Variants in ELP3 observed in about 807,000 individuals in gnomAD.
ELP3 encodes the protein elongator acetyltransferase complex subunit 3, also known as elongator complex protein 3.
In ELP3, 56 loss-of-function variants were observed where a neutral mutation model predicts 74.9. The ratio of observed to expected loss-of-function variants is 0.75; its 90% CI spans 0.60 to 0.93. The LOEUF (loss-of-function observed/expected upper bound fraction) is 0.93. Among genes scored for constraint, ELP3 ranks in the 40% least tolerant of loss-of-function variants. The probability of loss-of-function intolerance (pLI) is 0.00; values close to 1 mark genes in which losing one functional copy is unlikely to be tolerated. For missense variants in ELP3, 573 were observed against 686.5 expected, an observed-to-expected ratio of 0.83 and a Z score of 1.85; for synonymous variants, 222 against 239.8, an observed-to-expected ratio of 0.93 and a Z score of 0.68.
intron 14 of ELP3, among the ~76,000 whole-genome samples, chr8:28,187,047 CT>C (rs1245713897): frequency 6.6e-6 from 1 of 152,200 alleles, no homozygotes; most frequent in East Asian, 1.9e-4. Context: ...CTTGCAAGCT[CT>C]TCCCACCATC....
At chr8:28,151,026 C>T (rs191230502) in intron 10 of ELP3, among the ~76,000 whole-genome samples, 5 of 152,286 alleles carry the variant, frequency 3.3e-5, no homozygotes, top group African/African-American at 9.6e-5. Context: ...CTTCCTGCCT[C>T]GGCCTTCCAG....
At position 28,156,023 on chromosome 8, in the gene ELP3, C is replaced by T. The variant is rs752434486; in HGVS notation, c.1182C>T (p.Leu394=). 4.2e-5 allele frequency: 68 copies of T among 1,613,032 alleles called. No homozygotes were observed. Among genetic ancestry groups the T allele is most frequent in the Non-Finnish European group, 1.7e-5 (20 of 1,179,294 alleles). ...TGGCACTTGCAAGAATGAAAGACCT[C>T]GGAATACAGGTAAGAGCAAATATGG... ...RELALARMKD[L]GIQCRDVRTR... The change falls in exon 11 of 15, where the codon CTC becomes CTT. Residue 394 remains leucine (L), a synonymous_variant. Coordinates refer to ENST00000256398, the MANE Select transcript of ELP3 (RefSeq NM_018091.6).
chr8:28,160,962 T>C (rs1814060446), intron 13 of ELP3, among the ~76,000 whole-genome samples: 1 of 152,214 alleles, frequency 6.6e-6, no homozygotes, highest in Non-Finnish European at 1.5e-5. Flanking sequence ...CCCAAAGTGC[T>C]GAGATTACAG....
intron 9 of ELP3, 57 bp from the exon 10 acceptor site, chr8:28,137,641 C>T: frequency 6.4e-7 from 1 of 1,553,714 alleles, no homozygotes; most frequent in Non-Finnish European, 8.8e-7. Flanking sequence ...TGAGATTTCA[C>T]CCTCGGTGAT....
chr8:28,097,388 C>T (rs182385725), intron 2 of ELP3, 70 bp downstream of exon 2: 1 of 991,446 alleles, frequency 1.0e-6, no homozygotes, highest in African/African-American at 1.6e-5. Context: ...TTATCTAGTA[C>T]TACTTGTTTT....
Position 28,132,362 on chromosome 8 carries a change from C to T in ELP3, c.864C>T (p.Asp288=). The change falls in exon 9 of 15, where the codon GAC becomes GAT. Residue 288 remains aspartate, a synonymous_variant. Transcript: ENST00000256398. ...AAGTGGTGGCCCATATGATGCCTGA[C>T]CTGCCAAACGTGGGACTAGAAAGAG... ...GFKVVAHMMP[D]LPNVGLERDI... 1 of 1,614,162 alleles carries T rather than the reference C, an allele frequency of 6.2e-7. No homozygotes were observed. The highest frequency in any genetic ancestry group is 1.1e-5 in the South Asian group (1 of 91,084).
intron 9 of ELP3, among the ~76,000 whole-genome samples, chr8:28,137,214 A>G (rs753441108): frequency 6.6e-6 from 1 of 152,228 alleles, no homozygotes; most frequent in Non-Finnish European, 1.5e-5. Context: ...TCTAGAGGTG[A>G]AGGCAGACAT....
upstream of ELP3, chr8:28,090,234 A>T (rs6992614): frequency 0.067 from 17,595 of 264,568 alleles, 1,250 homozygotes; most frequent in East Asian, 0.3. Flanking sequence ...GCCCAGCCGA[A>T]GCTTCAGGAG....
At chr8:28,163,539 T>C (rs995767861) in intron 14 of ELP3, among the ~76,000 whole-genome samples, 4 of 132,088 alleles carry the variant, frequency 3.0e-5, no homozygotes, top group Non-Finnish European at 4.8e-5. Context: ...TTTTTTTTTT[T>C]CACATGTCTA....
chr8:28,094,195 T>C (rs1204940731), intron 1 of ELP3, among the ~76,000 whole-genome samples: 1 of 152,246 alleles, frequency 6.6e-6, no homozygotes, highest in East Asian at 1.9e-4. Context: ...CAGGATTCTT[T>C]TAGTTTCTTC....
Position 28,115,973 on chromosome 8 carries a change from G to A in ELP3, c.617+2800G>A, listed in dbSNP as rs1310348842. On this transcript the variant is annotated intron_variant, in intron 7 of 14. Transcript: ENST00000256398. The stretch of plus-strand genomic sequence containing the variant: ...GCCACCTCTTAAGATTTTTTGTGTA[G>A]GACAAAATTTTGGATAGACCTAAGA... Among the ~76,000 whole-genome samples, 3 of 152,212 alleles carry A rather than the reference G, an allele frequency of 2.0e-5. No homozygotes were observed. In the East Asian group the frequency reaches 5.8e-4, roughly 29 times the overall value.
intron 10 of ELP3, 133 bp downstream of exon 10, chr8:28,138,024 G>A: frequency 2.4e-6 from 2 of 818,996 alleles, no homozygotes; most frequent in Non-Finnish European, 3.6e-6. Context: ...AATGCTATCT[G>A]TAAATAGGGA....
chr8:28,098,787 A>C (rs1811356179), intron 2 of ELP3, among the ~76,000 whole-genome samples: 1 of 152,214 alleles, frequency 6.6e-6, no homozygotes, highest in Non-Finnish European at 1.5e-5. Context: ...GCATCTGCAC[A>C]TAAATCAGCC....
At chr8:28,104,524 CAT>C (rs1811610522) in intron 3 of ELP3, among the ~76,000 whole-genome samples, 1 of 152,218 alleles carries the variant, frequency 6.6e-6, no homozygotes, top group Admixed American at 6.5e-5. Context: ...ATTTAATTGT[CAT>C]ATATCTTTAG....
chr8:28,125,864 T>C (rs1488811523), intron 7 of ELP3, among the ~76,000 whole-genome samples: 1 of 147,540 alleles, frequency 6.8e-6, no homozygotes, highest in Non-Finnish European at 1.5e-5. Flanking sequence ...GAAGAATACC[T>C]GGCCTACTGC....
chr8:28,105,687 A>C (rs570022283), intron 3 of ELP3, among the ~76,000 whole-genome samples: 46 of 152,326 alleles, frequency 3.0e-4, no homozygotes, highest in African/African-American at 9.4e-4. Flanking sequence ...GAACACTCTG[A>C]TTGGCCACAA....
At chr8:28,112,906 C>G (rs1585653042) in intron 6 of ELP3, 113 bp from the exon 7 acceptor site, 1 of 968,466 alleles carries the variant, frequency 1.0e-6, no homozygotes, top group Non-Finnish European at 1.4e-6. Context: ...TTCATTACTT[C>G]TGATTTTTAA....
chr8:28,120,409 T>G (rs543723279), intron 7 of ELP3, among the ~76,000 whole-genome samples: 1 of 152,378 alleles, frequency 6.6e-6, no homozygotes, highest in East Asian at 1.9e-4. Flanking sequence ...TAAAATCTTT[T>G]GCCCATTTTT....
intron 7 of ELP3, chr8:28,113,690 G>A (rs1415961268): frequency 1.3e-5 from 2 of 152,212 alleles, no homozygotes; most frequent in Non-Finnish European, 2.9e-5. Context: ...AGCTTTGGAG[G>A]TTGGGAAGTC....
Sources: gnomAD v4.1 joint callset for allele counts (sites outside exome capture counted in the v4.1 genomes callset) on GRCh38, gnomAD v4.1.1 for gene constraint, MANE v1.5 for transcripts, NCBI Gene and HGNC (gene_info 2026-07-23, HGNC 2026-07-21) for gene names.